The following ST6GALNAC3 variants were observed in gnomAD, a reference collection of about 807,000 sequenced individuals.
ST6GALNAC3 encodes the protein alpha-N-acetylgalactosaminide alpha-2,6-sialyltransferase 3.
Under a neutral mutation model 32.7 loss-of-function variants are expected in ST6GALNAC3, and 25 were observed. The observed-to-expected ratio is 0.76, with a 90% CI of 0.56 to 1.07. The LOEUF (loss-of-function observed/expected upper bound fraction) is 1.07, where lower values mean the gene tolerates loss of function less well. ST6GALNAC3 is among the 50% of genes least tolerant of loss of function. The probability of loss-of-function intolerance (pLI) is 0.00; values close to 1 mark genes in which losing one functional copy is unlikely to be tolerated. For synonymous variants in ST6GALNAC3, 129 were observed against 133.1 expected, an observed-to-expected ratio of 0.97 and a Z score of 0.21; for missense variants, 355 against 382.4, an observed-to-expected ratio of 0.93 and a Z score of 0.60.
At chr1:76,475,588 A>G (rs1434205323) in intron 3 of ST6GALNAC3, among the ~76,000 whole-genome samples, 2 of 152,186 alleles carry the variant, frequency 1.3e-5, no homozygotes, top group Non-Finnish European at 2.9e-5. Context: ...AATGTAACAA[A>G]TGTGTAATAT....
At chr1:76,414,912 A>T (rs1285757440) in intron 3 of ST6GALNAC3, among the ~76,000 whole-genome samples, 1 of 152,016 alleles carries the variant, frequency 6.6e-6, no homozygotes. Flanking sequence ...TATATTTTTC[A>T]TAGTTTGTTT....
chr1:76,105,462 C>T (rs895599103), intron 1 of ST6GALNAC3, among the ~76,000 whole-genome samples: 7 of 152,100 alleles, frequency 4.6e-5, no homozygotes, highest in Admixed American at 1.3e-4. Context: ...CTTGGCTTGT[C>T]GTAATGAACC....
chr1:76,155,517 G>C (rs1055038483), intron 1 of ST6GALNAC3, among the ~76,000 whole-genome samples: 9 of 152,022 alleles, frequency 5.9e-5, no homozygotes, highest in African/African-American at 2.2e-4. Context: ...GTCCAGGCTG[G>C]AGTGCGGTGG....
chr1:76,252,551 CT>C (rs958641145), intron 1 of ST6GALNAC3, among the ~76,000 whole-genome samples: 79 of 148,994 alleles, frequency 5.3e-4, no homozygotes, highest in East Asian at 1.4e-3. Context: ...ATGGCCCCCC[CT>C]TTTTTTTTTA....
intron 1 of ST6GALNAC3, among the ~76,000 whole-genome samples, chr1:76,226,290 T>C (rs1282093951): frequency 6.6e-6 from 1 of 152,228 alleles, no homozygotes; most frequent in Non-Finnish European, 1.5e-5. Flanking sequence ...ATATTTGCCC[T>C]GTCATTTAGT....
chr1:76,634,951 G>C (rs180756897), downstream of ST6GALNAC3, among the ~76,000 whole-genome samples: 33 of 151,012 alleles, frequency 2.2e-4, 11 homozygotes, highest in Admixed American at 1.9e-3. Context: ...CGCCCGCCTC[G>C]GCCTCCCAAA....
intron 3 of ST6GALNAC3, among the ~76,000 whole-genome samples, chr1:76,451,187 A>C (rs1472890577): frequency 2.0e-5 from 3 of 152,166 alleles, no homozygotes; most frequent in Admixed American, 6.6e-5. Flanking sequence ...GTATTAGTCC[A>C]TTCTCATGCT....
chr1:76,574,417 C>G (rs1299219771), intron 3 of ST6GALNAC3, among the ~76,000 whole-genome samples: 2 of 152,000 alleles, frequency 1.3e-5, no homozygotes, highest in African/African-American at 4.8e-5. Context: ...TCTACCTTCT[C>G]TATTTCTATT....
At chr1:76,325,509 A>G (rs2100937585) in intron 2 of ST6GALNAC3, among the ~76,000 whole-genome samples, 1 of 152,076 alleles carries the variant, frequency 6.6e-6, no homozygotes. Context: ...TAGAAAGTAA[A>G]TAACTTTTTG....
At chr1:76,178,211 G>T (rs376878) in intron 1 of ST6GALNAC3, among the ~76,000 whole-genome samples, 107,130 of 152,116 alleles carry the variant, frequency 0.7, 39,921 homozygotes, top group East Asian at 0.94. Flanking sequence ...ATGTAAAGAA[G>T]TAGAAAAAGA....
At chr1:76,256,320 C>T (rs1428140807) in intron 1 of ST6GALNAC3, among the ~76,000 whole-genome samples, 1 of 152,096 alleles carries the variant, frequency 6.6e-6, no homozygotes, top group East Asian at 1.9e-4. Flanking sequence ...TTCAACATTG[C>T]TTATATAAGA....
chr1:76,448,195 G>C (rs1657124288), intron 3 of ST6GALNAC3, among the ~76,000 whole-genome samples: 1 of 152,152 alleles, frequency 6.6e-6, no homozygotes, highest in South Asian at 2.1e-4. Flanking sequence ...GATCATTTTG[G>C]AGCTTTAAGA....
chr1:76,585,507 G>A (rs1340573538), intron 3 of ST6GALNAC3, among the ~76,000 whole-genome samples: 3 of 152,108 alleles, frequency 2.0e-5, no homozygotes, highest in South Asian at 4.1e-4. Context: ...CCAGAGAGGC[G>A]AGAGCCTAAG....
intron 1 of ST6GALNAC3, among the ~76,000 whole-genome samples, chr1:76,159,029 G>A (rs1480389144): frequency 6.6e-6 from 1 of 152,166 alleles, no homozygotes; most frequent in African/African-American, 2.4e-5. Context: ...TCCTGGGGGT[G>A]TGATGGAGAG....
intron 1 of ST6GALNAC3, chr1:76,142,953 A>T: frequency 2.3e-6 from 1 of 430,218 alleles, no homozygotes; most frequent in Non-Finnish European, 4.6e-6. Context: ...CTTTGACTTT[A>T]TTCTGCTGGA....
intron 2 of ST6GALNAC3, among the ~76,000 whole-genome samples, chr1:76,346,462 G>T (rs149230108): frequency 1.4e-3 from 215 of 152,314 alleles, no homozygotes; most frequent in African/African-American, 5.0e-3. Flanking sequence ...CAAGATCAAT[G>T]CAGATGTAAT....
chr1:76,171,467 A>G (rs2100420361), intron 1 of ST6GALNAC3, among the ~76,000 whole-genome samples: 1 of 152,204 alleles, frequency 6.6e-6, no homozygotes, highest in South Asian at 2.1e-4. Flanking sequence ...GAGACGTGAA[A>G]AATCCTCCAA....
At chr1:76,088,828 T>G (rs1028992059) in intron 1 of ST6GALNAC3, among the ~76,000 whole-genome samples, 1 of 152,202 alleles carries the variant, frequency 6.6e-6, no homozygotes, top group African/African-American at 2.4e-5. Context: ...GAATTAATTT[T>G]AGGCAAAAAA....
chr1:76,104,711 C>T (rs1647402750), intron 1 of ST6GALNAC3, among the ~76,000 whole-genome samples: 1 of 149,758 alleles, frequency 6.7e-6, no homozygotes, highest in Admixed American at 6.7e-5. Context: ...AGTCTGTTTT[C>T]ACACTACTGA....
Sources: allele counts gnomAD v4.1 joint callset (sites outside exome capture counted in the v4.1 genomes callset), GRCh38; gene constraint gnomAD v4.1.1; transcripts MANE v1.5; gene names NCBI Gene and HGNC (gene_info 2026-07-23, HGNC 2026-07-21).